The following EEF2KMT variants were observed in gnomAD, a reference collection of about 807,000 sequenced individuals.
EEF2KMT encodes the protein eukaryotic elongation factor 2 lysine methyltransferase, also known as protein-lysine N-methyltransferase EEF2KMT.
A neutral mutation model predicts 35.1 loss-of-function variants in EEF2KMT; 30 were observed. The observed-to-expected ratio is 0.85, with a 90% CI of 0.64 to 1.16. EEF2KMT has a LOEUF of 1.16. Ranked by LOEUF, EEF2KMT falls within the 50% of genes most tolerant of loss-of-function variation. EEF2KMT has a pLI of 0.00. For missense variants in EEF2KMT, 499 were observed against 438.2 expected (o/e 1.14, Z -1.24); for synonymous variants, 190 against 187.7 (o/e 1.01, Z -0.10).
At chr16:5,092,788 C>T (rs982733629) in intron 3 of EEF2KMT, among the ~76,000 whole-genome samples, 1 of 152,158 alleles carries the variant, frequency 6.6e-6, no homozygotes, top group Admixed American at 6.5e-5. Flanking sequence ...CATGGTGAAA[C>T]TCTGTCTCTA....
chr16:5,084,524 G>C lies in EEF2KMT; in HGVS notation c.*1108C>G, dbSNP rs1422657071. The C allele has an allele frequency of 1.4e-6, 1 of 717,330 alleles. No homozygotes were observed. Among genetic ancestry groups the C allele is most frequent in the African/African-American group, 1.8e-5 (1 of 56,766 alleles). 44.4% of individuals were successfully genotyped at this position (717,330 alleles called of 1,614,324 possible). A position where few individuals can be genotyped will look rare whatever the true frequency, so the allele number is the denominator to read the frequency against. On this transcript the variant is annotated 3_prime_UTR_variant, in exon 8 of 8. Coordinates refer to ENST00000427587, the MANE Select transcript of EEF2KMT (RefSeq NM_201400.4). ...CGTAGAGGCCGGGAGGTGCTCCAGG[G>C]CACCAAGTGTGGGAAAGTGGGACAT... is the stretch of plus-strand genomic sequence containing the variant.
chr16:5,089,075 C>T (rs1450730151), intron 7 of EEF2KMT, 32 bp downstream of exon 7: 4 of 1,611,490 alleles, frequency 2.5e-6, no homozygotes, highest in Non-Finnish European at 3.4e-6. Context: ...AGCTCAGGGA[C>T]CATGCAGGCC....
rs1020370602 is a variant in EEF2KMT, at chr16:5,090,664, G to A, written c.343-99C>T. 12 of 1,489,290 alleles carry A rather than the reference G, an allele frequency of 8.1e-6. No individual in the cohort carries two copies. Among genetic ancestry groups the A allele is most frequent in the Middle Eastern group, 4.9e-4 (2 of 4,100 alleles). The allele number at this position is 1,489,290 out of a possible 1,614,324, so 92.3% of individuals were successfully genotyped here. A position where few individuals can be genotyped will look rare whatever the true frequency, so the allele number is the denominator to read the frequency against. Reference sequence around the variant, plus strand: ...CACATGGCTGAATAAACCATGACAGGACCAATCGCCACTCAGCAATGAGAA... The same window carrying A: ...CACATGGCTGAATAAACCATGACAGAACCAATCGCCACTCAGCAATGAGAA... On this transcript the variant is annotated intron_variant, in intron 4 of 7. Coordinates refer to ENST00000427587, the MANE Select transcript of EEF2KMT (RefSeq NM_201400.4). The surrounding 1 kb of genome is among the most constrained non-coding windows in gnomAD (Gnocchi z 4.1).
At chr16:5,087,792 C>T (rs1173262652) in intron 7 of EEF2KMT, among the ~76,000 whole-genome samples, 1 of 114,578 alleles carries the variant, frequency 8.7e-6, no homozygotes, top group Non-Finnish European at 1.7e-5. Flanking sequence ...CAAAGCCAGA[C>T]TCTGTCTCAA....
intron 1 of EEF2KMT, among the ~76,000 whole-genome samples, chr16:5,096,981 A>C (rs1957482524): frequency 6.6e-6 from 1 of 152,208 alleles, no homozygotes. Flanking sequence ...CCCAGGGAGG[A>C]ATATATATCC....
chr16:5,089,394 A>G (rs1418512306), intron 6 of EEF2KMT, 138 bp from the exon 7 acceptor site: 1 of 1,186,168 alleles, frequency 8.4e-7, no homozygotes, highest in African/African-American at 1.5e-5. Context: ...GGGCCATTAG[A>G]TGGAAAGGCA....
rs1266158767 is a variant in EEF2KMT, at chr16:5,090,100, A to T, written c.726T>A (p.Asp242Glu). The change falls in exon 6 of 8, where the codon GAT (aspartate) becomes GAA (glutamate). Residue 242 changes from aspartate (D) to glutamate (E), a missense_variant. Coordinates refer to ENST00000427587, the MANE Select transcript of EEF2KMT (RefSeq NM_201400.4). This position sits in a 1 kb window ranked among gnomAD's most constrained non-coding sequence, Gnocchi z 4.1. ...TVHQLSAFQPDVVIAADVLYC... is the reference protein window; with the variant it reads ...TVHQLSAFQPEVVIAADVLYC... ...GGGCATTACCTGCTGCAATGACAAC[A>T]TCTGGCTGGAAGGCAGAGAGCTGAT... The T allele has an allele frequency of 1.2e-6, 2 of 1,606,396 alleles. No individual in the cohort carries two copies. The highest frequency in any genetic ancestry group is 1.7e-6 in the Non-Finnish European group (2 of 1,179,816).
At position 5,085,008 on chromosome 16, in the gene EEF2KMT, T is replaced by G; in HGVS notation, c.*624A>C. ...CCAGAAGCTGAAATGACAGCAGTGG[T>G]ACTGCCTGGTAAAAGAATTGGTTCT... On this transcript the variant is annotated 3_prime_UTR_variant, in exon 8 of 8. Coordinates refer to ENST00000427587, the MANE Select transcript of EEF2KMT (RefSeq NM_201400.4). 2.6e-6 allele frequency: 4 copies of G among 1,516,174 alleles called. 1 individual carries two copies. The highest frequency in any genetic ancestry group is 3.5e-5 in the Admixed American group (2 of 57,606). 93.9% of individuals were successfully genotyped at this position (1,516,174 alleles called of 1,614,324 possible).
Position 5,085,183 on chromosome 16 carries a change from C to T in EEF2KMT, c.*449G>A, listed in dbSNP as rs1212153386. 2.3e-5 allele frequency: 13 copies of T among 576,088 alleles called. No homozygotes were observed. Among genetic ancestry groups the T allele is most frequent in the Non-Finnish European group, 3.4e-5 (11 of 326,416 alleles). 35.7% of individuals were successfully genotyped at this position (576,088 alleles called of 1,614,324 possible). ...GACCTCTGCAGAACTCCTCATCCTG[C>T]GTTTGGTCTCCAGGTGTCCCCTTTC... is the stretch of plus-strand genomic sequence containing the variant. On this transcript the variant is annotated 3_prime_UTR_variant, in exon 8 of 8. Transcript: ENST00000427587.
chr16:5,093,913 G>A (rs1957398725), intron 2 of EEF2KMT, among the ~76,000 whole-genome samples: 1 of 152,234 alleles, frequency 6.6e-6, no homozygotes, highest in Non-Finnish European at 1.5e-5. Context: ...GGAAGAGGCG[G>A]GAAGGCCCAC....
At chr16:5,086,161 T>C (rs1596267537) in intron 7 of EEF2KMT, among the ~76,000 whole-genome samples, 1 of 152,032 alleles carries the variant, frequency 6.6e-6, no homozygotes, top group East Asian at 1.9e-4. Flanking sequence ...CATGGTGAAA[T>C]CCCATCTCTA....
chr16:5,088,948 A>ATG lies in EEF2KMT; in HGVS notation c.892+158_892+159insCA, dbSNP rs1957276748. On this transcript the variant is annotated intron_variant, in intron 7 of 7. Transcript: ENST00000427587. ...TCCTGCCGCAAGCCCCCCACGCCCC[A>ATG]AGCCCACCCTGCTCACTGGCCTCTG... is the stretch of plus-strand genomic sequence containing the variant. 4.6e-5 allele frequency among the ~76,000 whole-genome samples: 7 copies of ATG among 152,208 alleles called. No individual in the cohort carries two copies. In the East Asian group the frequency reaches 5.8e-4, roughly 13 times the overall value.
rs539354038 is a variant in EEF2KMT, at chr16:5,090,229, C to T, written c.597G>A (p.Gly199=). ...ATGAGAGGCCATTGAGAAGGACATT[C>T]CCTCGGAGCTGCTCAAGGACCCGGC... ...CHSRVLEQLR[G]NVLLNGLSLE... The change falls in exon 6 of 8, where the codon GGG becomes GGA. Residue 199 remains glycine, a synonymous_variant. Coordinates refer to ENST00000427587, the MANE Select transcript of EEF2KMT (RefSeq NM_201400.4). This position sits in a 1 kb window ranked among gnomAD's most constrained non-coding sequence, Gnocchi z 4.1. The T allele has an allele frequency of 1.2e-6, 2 of 1,612,038 alleles. No individual in the cohort carries two copies. The highest frequency in any genetic ancestry group is 2.2e-5 in the East Asian group (1 of 44,888).
intron 2 of EEF2KMT, among the ~76,000 whole-genome samples, chr16:5,094,954 G>T (rs1957422453): frequency 6.6e-6 from 1 of 152,184 alleles, no homozygotes; most frequent in Admixed American, 6.5e-5. Context: ...TCTGCACTTG[G>T]CCCTCAAGGC....
chr16:5,090,233 C>T lies in EEF2KMT; in HGVS notation c.593G>A (p.Arg198Gln), dbSNP rs553273623. ...DCHSRVLEQL[R>Q]GNVLLNGLSL... ...GAGGCCATTGAGAAGGACATTCCCT[C>T]GGAGCTGCTCAAGGACCCGGCTGTG... Residue 198 changes from arginine to glutamine, a missense_variant, in exon 6 of 8, where the codon CGA becomes CAA. By Grantham distance (43) the Arg-to-Gln change is conservative. Transcript: ENST00000427587. The surrounding 1 kb of genome is among the most constrained non-coding windows in gnomAD (Gnocchi z 4.1). The T allele has an allele frequency of 7.9e-5, 128 of 1,612,024 alleles. 1 individual carries two copies. The Middle Eastern group carries it at 1.1e-3, about 14-fold the overall frequency.
chr16:5,089,020 C>T lies in EEF2KMT; in HGVS notation c.892+87G>A, dbSNP rs529925807. The T allele has an allele frequency of 2.1e-4, 337 of 1,602,610 alleles. 5 individuals are homozygous for T. The South Asian group carries it at 3.5e-3, about 17-fold the overall frequency. On this transcript the variant is annotated intron_variant, in intron 7 of 7. Transcript: ENST00000427587. ...GGGAGTGTGGGGCAACCTAGCTTTT[C>T]CCCGGCACCCAGTTCTTTCACTTCC...
At chr16:5,089,348 G>A (rs866255333) in intron 6 of EEF2KMT, 92 bp from the exon 7 acceptor site, 85 of 1,528,846 alleles carry the variant, frequency 5.6e-5, no homozygotes, top group Middle Eastern at 2.3e-4. Flanking sequence ...GAGAGGCAGC[G>A]GTCATATGAG....
intron 3 of EEF2KMT, among the ~76,000 whole-genome samples, chr16:5,092,680 A>T (rs1429581202): frequency 6.6e-6 from 1 of 152,188 alleles, no homozygotes; most frequent in Admixed American, 6.5e-5. Context: ...AATCCATCCT[A>T]GGCCAGGTGC....
Position 5,091,842 on chromosome 16 carries a change from C to T in EEF2KMT, c.294G>A (p.Glu98=), listed in dbSNP as rs144904475. 25 of 1,611,796 alleles carry T rather than the reference C, an allele frequency of 1.6e-5. No homozygotes were observed. The Admixed American group carries it at 3.3e-4, about 21-fold the overall frequency. The change falls in exon 4 of 8, where the codon GAG becomes GAA. Residue 98 remains glutamate (E), a synonymous_variant. Transcript: ENST00000427587. ...GGGTGGACTCCTTGGCCATCAGGGT[C>T]TCCGCCAGCGCTTCATACAGCTCGT... The part of the protein sequence containing the change: ...PLDELYEALA[E]TLMAKESTQG...
Sources: allele counts gnomAD v4.1 joint callset (sites outside exome capture counted in the v4.1 genomes callset), GRCh38; gene constraint gnomAD v4.1.1; non-coding constraint Gnocchi (gnomAD v3.1); transcripts MANE v1.5; gene names NCBI Gene and HGNC (gene_info 2026-07-23, HGNC 2026-07-21).